Variants in SYT1 observed in about 807,000 individuals in gnomAD.
SYT1 encodes the protein synaptotagmin-1.
In SYT1, 8 loss-of-function variants were observed where a neutral mutation model predicts 44.8. The observed-to-expected ratio is 0.18, with a 90% confidence interval of 0.10 to 0.32. The LOEUF (loss-of-function observed/expected upper bound fraction) is 0.32. SYT1 is among the 10% of genes least tolerant of loss of function. SYT1 has a pLI of 1.00. For synonymous variants in SYT1, 154 were observed against 188.8 expected (o/e 0.82, Z 1.51); for missense variants, 286 against 509.3 (o/e 0.56, Z 4.22).
chr12:79,247,599 A>G (rs1876928382), intron 4 of SYT1, among the ~76,000 whole-genome samples: 1 of 152,190 alleles, frequency 6.6e-6, no homozygotes, highest in South Asian at 2.1e-4. Flanking sequence ...AATACATGGT[A>G]GATTGTTTAG....
intron 8 of SYT1, among the ~76,000 whole-genome samples, chr12:79,329,045 A>G (rs1397762158): frequency 1.1e-4 from 16 of 152,132 alleles, no homozygotes; most frequent in Non-Finnish European, 2.4e-4. Context: ...AGCCAGGTAT[A>G]ACAAACCGCT....
At chr12:79,288,299 T>G (rs1285284542) in intron 5 of SYT1, among the ~76,000 whole-genome samples, 1 of 152,080 alleles carries the variant, frequency 6.6e-6, no homozygotes, top group Non-Finnish European at 1.5e-5. Context: ...AATTATATTT[T>G]CAAAATATCT....
intron 4 of SYT1, among the ~76,000 whole-genome samples, chr12:79,280,378 C>G (rs73152012): frequency 0.024 from 3,724 of 152,076 alleles, 71 homozygotes; most frequent in South Asian, 0.038. Flanking sequence ...TTCAACAAAG[C>G]CGATGAGAAC....
intron 2 of SYT1, among the ~76,000 whole-genome samples, chr12:78,984,194 C>T (rs1350124855): frequency 1.3e-5 from 2 of 151,394 alleles, no homozygotes; most frequent in Non-Finnish European, 3.0e-5. Flanking sequence ...GATTTTAAAA[C>T]TTCTCAAAAC....
intron 3 of SYT1, among the ~76,000 whole-genome samples, chr12:79,110,744 A>G (rs1878968099): frequency 6.6e-6 from 1 of 152,196 alleles, no homozygotes. Context: ...TAAAGCATAA[A>G]TAGAAGTGCA....
intron 2 of SYT1, among the ~76,000 whole-genome samples, chr12:78,997,383 A>G (rs1159268004): frequency 6.6e-6 from 1 of 152,204 alleles, no homozygotes; most frequent in African/African-American, 2.4e-5. Context: ...AAACTTATGT[A>G]TCATGTTATT....
intron 1 of SYT1, among the ~76,000 whole-genome samples, chr12:78,922,247 A>G (rs570968595): frequency 6.6e-6 from 1 of 152,042 alleles, no homozygotes; most frequent in South Asian, 2.1e-4. Flanking sequence ...CACAGTGTAT[A>G]CTACCATATC....
intron 4 of SYT1, among the ~76,000 whole-genome samples, chr12:79,220,556 A>T (rs2138575312): frequency 6.6e-6 from 1 of 152,158 alleles, no homozygotes; most frequent in Admixed American, 6.5e-5. Context: ...TATTTCTATA[A>T]AATTCCCTCT....
chr12:78,952,019 G>T (rs936885474), intron 1 of SYT1, among the ~76,000 whole-genome samples: 1 of 152,038 alleles, frequency 6.6e-6, no homozygotes, highest in Non-Finnish European at 1.5e-5. Flanking sequence ...CGAAGTGAAG[G>T]ATGGAAAAAT....
intron 3 of SYT1, among the ~76,000 whole-genome samples, chr12:79,056,650 A>G (rs1874968875): frequency 6.6e-6 from 1 of 152,092 alleles, no homozygotes; most frequent in Non-Finnish European, 1.5e-5. Context: ...ATTACATCCC[A>G]CACATTGTTA....
At chr12:78,993,244 A>G (rs1870142398) in intron 2 of SYT1, among the ~76,000 whole-genome samples, 1 of 152,218 alleles carries the variant, frequency 6.6e-6, no homozygotes, top group African/African-American at 2.4e-5. Flanking sequence ...TATCAGAACA[A>G]CCAGGTGTTC....
chr12:79,383,552 A>G (rs187211525), intron 9 of SYT1, among the ~76,000 whole-genome samples: 5 of 152,348 alleles, frequency 3.3e-5, no homozygotes, highest in African/African-American at 4.8e-5. Context: ...ACAAAACAAA[A>G]GAAAATCTCC....
rs866264361 is a variant in SYT1 at position 79,245,489 on chromosome 12, A to G, written c.166+27804A>G. On this transcript the variant is annotated intron_variant, in intron 4 of 10. Coordinates refer to ENST00000261205, the MANE Select transcript of SYT1 (RefSeq NM_005639.3). ...CTCCGTCAACAAAAAAAAAAAAAAAAGAAAAGAAAAAAGAAAAAAAAAACT... is the reference window on the plus strand; with the variant it reads ...CTCCGTCAACAAAAAAAAAAAAAAAGGAAAAGAAAAAAGAAAAAAAAAACT... Among the ~76,000 whole-genome samples the G allele has an allele frequency of 7.9e-3, 1,120 of 141,150 alleles. 53 individuals are homozygous for G. Among genetic ancestry groups the G allele is most frequent in the African/African-American group, 0.026 (967 of 37,556 alleles). 92.6% of individuals were successfully genotyped at this position (141,150 alleles called of 152,430 possible). A position where few individuals can be genotyped will look rare whatever the true frequency, so the allele number is the denominator to read the frequency against.
chr12:79,180,181 C>T (rs1487624438), intron 3 of SYT1, among the ~76,000 whole-genome samples: 12 of 143,314 alleles, frequency 8.4e-5, no homozygotes, highest in Non-Finnish European at 1.5e-4. Flanking sequence ...CACCATTGTC[C>T]TTCCTAAAAT....
intron 3 of SYT1, among the ~76,000 whole-genome samples, chr12:79,066,553 CAGTG>C (rs1875875980): frequency 6.6e-6 from 1 of 151,422 alleles, no homozygotes; most frequent in East Asian, 1.9e-4. Flanking sequence ...AGAGCAGAGT[CAGTG>C]AGCAGAAGCT....
chr12:79,046,744 T>G (rs954574849), intron 2 of SYT1, among the ~76,000 whole-genome samples: 2 of 152,056 alleles, frequency 1.3e-5, no homozygotes, highest in Non-Finnish European at 2.9e-5. Context: ...AATACATGTA[T>G]GTTTATCCTA....
chr12:79,288,437 T>C (rs957425401), intron 5 of SYT1, among the ~76,000 whole-genome samples: 4 of 152,130 alleles, frequency 2.6e-5, no homozygotes, highest in Admixed American at 6.6e-5. Context: ...TATCTATATA[T>C]AGGCTCTATA....
chr12:79,043,344 C>T (rs1298770966), intron 2 of SYT1, among the ~76,000 whole-genome samples: 1 of 151,170 alleles, frequency 6.6e-6, no homozygotes, highest in Non-Finnish European at 1.5e-5. Context: ...GGATAGTTAG[C>T]TCTTCTTGTT....
intron 3 of SYT1, among the ~76,000 whole-genome samples, chr12:79,124,776 G>A (rs545619058): frequency 1.3e-5 from 2 of 152,142 alleles, no homozygotes; most frequent in East Asian, 3.9e-4. Context: ...TTTCATGTTT[G>A]GTAACTAGAC....
Sources: allele counts gnomAD v4.1 joint callset (sites outside exome capture counted in the v4.1 genomes callset), GRCh38; gene constraint gnomAD v4.1.1; transcripts MANE v1.5; gene names NCBI Gene and HGNC (gene_info 2026-07-23, HGNC 2026-07-21).